Variants in CACNA2D3 observed in about 807,000 individuals in gnomAD.
CACNA2D3 encodes the protein voltage-dependent calcium channel subunit alpha-2/delta-3.
In CACNA2D3, 60 loss-of-function variants were observed where a neutral mutation model predicts 160.6. That is an observed-to-expected ratio of 0.37 (90% confidence interval 0.30 to 0.46). The LOEUF (loss-of-function observed/expected upper bound fraction) is 0.46. Ranked by LOEUF, CACNA2D3 falls within the 20% of genes least tolerant of loss-of-function variation. The pLI is 1.00. For synonymous variants in CACNA2D3, 558 were observed against 492.9 expected (o/e 1.13, Z -1.75); for missense variants, 1,205 against 1,365.0 (o/e 0.88, Z 1.85).
intron 4 of CACNA2D3, among the ~76,000 whole-genome samples, chr3:54,439,760 T>G (rs528084506): frequency 1.3e-5 from 2 of 152,090 alleles, no homozygotes; most frequent in African/African-American, 4.8e-5. Flanking sequence ...AAATACACTT[T>G]CCTCATGATG....
At chr3:54,720,380 A>G (rs1701147291) in intron 11 of CACNA2D3, among the ~76,000 whole-genome samples, 1 of 152,066 alleles carries the variant, frequency 6.6e-6, no homozygotes, top group African/African-American at 2.4e-5. Flanking sequence ...TGTATTATTT[A>G]ATTCTGAAAC....
intron 3 of CACNA2D3, among the ~76,000 whole-genome samples, chr3:54,357,248 G>A (rs902209781): frequency 5.3e-5 from 8 of 152,176 alleles, no homozygotes; most frequent in African/African-American, 1.9e-4. Flanking sequence ...TGGTCAGCGG[G>A]TGCAATTAGC....
At chr3:54,990,035 C>G (rs1702704583) in intron 31 of CACNA2D3, among the ~76,000 whole-genome samples, 1 of 152,192 alleles carries the variant, frequency 6.6e-6, no homozygotes, top group Non-Finnish European at 1.5e-5. Context: ...TGACAGCACT[C>G]TGGATCAGAA....
chr3:54,266,929 A>G (rs550408945), intron 2 of CACNA2D3, among the ~76,000 whole-genome samples: 11 of 152,066 alleles, frequency 7.2e-5, no homozygotes, highest in Middle Eastern at 3.4e-3. Context: ...TTTTTTTGCA[A>G]CACTTCTCTG....
chr3:54,849,650 T>C (rs1449671525), intron 17 of CACNA2D3, among the ~76,000 whole-genome samples: 1 of 152,128 alleles, frequency 6.6e-6, no homozygotes, highest in African/African-American at 2.4e-5. Context: ...TCAAACTCCA[T>C]TTGTCTCCTC....
At chr3:54,746,210 CAGG>C (rs1316536989) in intron 11 of CACNA2D3, among the ~76,000 whole-genome samples, 3 of 152,162 alleles carry the variant, frequency 2.0e-5, no homozygotes, top group Non-Finnish European at 2.9e-5. Flanking sequence ...TGTGAGTAAT[CAGG>C]TTCCAACCCT....
At chr3:54,550,080 G>A (rs1702131363) in intron 5 of CACNA2D3, among the ~76,000 whole-genome samples, 1 of 151,762 alleles carries the variant, frequency 6.6e-6, no homozygotes, top group Admixed American at 6.6e-5. Flanking sequence ...TGTTTCTTTT[G>A]TCCCCCCGCC....
chr3:54,971,542 T>C (rs899067711), intron 29 of CACNA2D3, among the ~76,000 whole-genome samples: 4 of 152,136 alleles, frequency 2.6e-5, no homozygotes, highest in African/African-American at 4.8e-5. Flanking sequence ...GGTTGGCTCA[T>C]TGGTTGGTTG....
In CACNA2D3 at chr3:54,896,866, C is replaced by T; in HGVS notation, c.2364C>T (p.Ser788=). ...GCTTCGTCTACTCGATCCCATTCAG[C>T]ACTGGTGGGTGCCCTTGTTGGAGGC... The part of the protein sequence containing the change: ...PGSFVYSIPF[S]TGPVNKSNVV... Residue 788 remains serine, a synonymous_variant, in exon 26 of 38, where the codon AGC becomes AGT. Transcript: ENST00000474759. The T allele has an allele frequency of 1.2e-6, 2 of 1,613,978 alleles. No individual in the cohort carries two copies. The highest frequency in any genetic ancestry group is 1.7e-6 in the Non-Finnish European group (2 of 1,179,874).
intron 4 of CACNA2D3, among the ~76,000 whole-genome samples, chr3:54,471,879 T>A (rs1025955151): frequency 6.6e-6 from 1 of 152,118 alleles, no homozygotes; most frequent in Admixed American, 6.6e-5. Context: ...AACAGAGTAG[T>A]AACAAGTTCT....
chr3:54,800,781 A>C (rs1455069430), intron 13 of CACNA2D3, among the ~76,000 whole-genome samples: 1 of 152,150 alleles, frequency 6.6e-6, no homozygotes, highest in Non-Finnish European at 1.5e-5. Context: ...ATTAAGTTTG[A>C]AAATATGACC....
chr3:54,657,876 A>G (rs899106478), intron 11 of CACNA2D3, among the ~76,000 whole-genome samples: 4 of 152,140 alleles, frequency 2.6e-5, no homozygotes, highest in Non-Finnish European at 4.4e-5. Flanking sequence ...TAAAAATACA[A>G]AAATTAGCCT....
intron 27 of CACNA2D3, among the ~76,000 whole-genome samples, chr3:54,902,919 A>G (rs1700371433): frequency 6.6e-6 from 1 of 152,218 alleles, no homozygotes. Flanking sequence ...TTGGTGGCAT[A>G]TTCATTCATT....
At chr3:54,892,927 G>A (rs951187525) in intron 25 of CACNA2D3, among the ~76,000 whole-genome samples, 1 of 152,150 alleles carries the variant, frequency 6.6e-6, no homozygotes, top group African/African-American at 2.4e-5. Flanking sequence ...TCTTCATTCT[G>A]TCCTCCTGAA....
At chr3:54,387,264 C>A (rs747142160) in intron 4 of CACNA2D3, among the ~76,000 whole-genome samples, 2 of 152,168 alleles carry the variant, frequency 1.3e-5, no homozygotes, top group African/African-American at 4.8e-5. Flanking sequence ...AGATCTTGTA[C>A]CTGATCCTGA....
chr3:54,711,323 A>G (rs913049128), intron 11 of CACNA2D3, among the ~76,000 whole-genome samples: 2 of 152,210 alleles, frequency 1.3e-5, no homozygotes, highest in Admixed American at 6.5e-5. Flanking sequence ...GGATAAGCCA[A>G]CTTCAAACAT....
At chr3:54,601,944 G>GA (rs372864847) in intron 9 of CACNA2D3, among the ~76,000 whole-genome samples, 17 of 151,588 alleles carry the variant, frequency 1.1e-4, no homozygotes, top group South Asian at 2.1e-4. Flanking sequence ...GCCAGTTAAA[G>GA]AAAAAAAATA....
At chr3:54,982,643 G>A (rs1368999353) in intron 29 of CACNA2D3, among the ~76,000 whole-genome samples, 1 of 152,012 alleles carries the variant, frequency 6.6e-6, no homozygotes, top group African/African-American at 2.4e-5. Flanking sequence ...TATTAGGAAA[G>A]TAAAGGGATC....
chr3:54,713,178 G>A (rs1401495821), intron 11 of CACNA2D3, among the ~76,000 whole-genome samples: 1 of 152,148 alleles, frequency 6.6e-6, no homozygotes, highest in Non-Finnish European at 1.5e-5. Flanking sequence ...CAGGCTATTG[G>A]GAGTTCTGTC....
Sources: allele counts gnomAD v4.1 joint callset (sites outside exome capture counted in the v4.1 genomes callset), GRCh38; gene constraint gnomAD v4.1.1; transcripts MANE v1.5; gene names NCBI Gene and HGNC (gene_info 2026-07-23, HGNC 2026-07-21).